The following OVOL2 variants were observed in gnomAD, a reference collection of about 807,000 sequenced individuals.
The protein encoded by OVOL2 is transcription factor Ovo-like 2.
In OVOL2, 13 loss-of-function variants were observed where a neutral mutation model predicts 18.1. The ratio of observed to expected loss-of-function variants is 0.72; its 90% confidence interval spans 0.47 to 1.14. The LOEUF is 1.14. OVOL2 is among the 50% of genes most tolerant of loss of function. OVOL2 has a pLI of 0.00. For synonymous variants in OVOL2, 166 were observed against 162.7 expected (o/e 1.02, Z -0.16); for missense variants, 335 against 383.0 (o/e 0.87, Z 1.05).
chr20:18,037,130 C>T (rs1407848934), intron 3 of OVOL2, among the ~76,000 whole-genome samples: 7 of 109,876 alleles, frequency 6.4e-5, no homozygotes, highest in African/African-American at 1.5e-4. Context: ...AGCGAGACTC[C>T]GTCTCAAAAA....
intron 2 of OVOL2, among the ~76,000 whole-genome samples, chr20:18,042,138 C>T (rs1358296892): frequency 1.3e-5 from 2 of 152,024 alleles, no homozygotes; most frequent in Non-Finnish European, 2.9e-5. Context: ...GTCTCAAACT[C>T]CTGACCTCAA....
At chr20:18,043,137 A>G (rs2036690376) in intron 2 of OVOL2, among the ~76,000 whole-genome samples, 1 of 152,188 alleles carries the variant, frequency 6.6e-6, no homozygotes, top group Admixed American at 6.5e-5. Flanking sequence ...ACCTTGGACC[A>G]TGAGGTGGGA....
intron 2 of OVOL2, among the ~76,000 whole-genome samples, chr20:18,043,293 C>T (rs1311793813): frequency 6.6e-6 from 1 of 152,340 alleles, no homozygotes; most frequent in South Asian, 2.1e-4. Context: ...ACTGTTTTCC[C>T]TCCCCTTGAA....
At chr20:18,042,095 TAG>T (rs2036676938) in intron 2 of OVOL2, among the ~76,000 whole-genome samples, 1 of 151,916 alleles carries the variant, frequency 6.6e-6, no homozygotes, top group African/African-American at 2.4e-5. Context: ...GTATTTTCAG[TAG>T]AGACAGGGTT....
chr20:18,054,599 G>A (rs561726966), intron 2 of OVOL2, among the ~76,000 whole-genome samples: 8 of 151,734 alleles, frequency 5.3e-5, no homozygotes, highest in South Asian at 2.1e-4. Flanking sequence ...AAAATTAGCC[G>A]GCGATGGTGG....
At chr20:18,058,835 GAGA>G (rs936768834), upstream of OVOL2, 2 of 152,398 alleles carry the variant, frequency 1.3e-5, no homozygotes, top group African/African-American at 4.8e-5. Context: ...GGGAGAGGGA[GAGA>G]AGGAGGGGGA....
intron 2 of OVOL2, among the ~76,000 whole-genome samples, chr20:18,043,251 C>G (rs1482570760): frequency 6.6e-6 from 1 of 152,234 alleles, no homozygotes; most frequent in East Asian, 1.9e-4. Context: ...CTCCTTGTGC[C>G]TGCATCCTGC....
intron 3 of OVOL2, among the ~76,000 whole-genome samples, chr20:18,033,982 A>G (rs775414274): frequency 2.0e-5 from 3 of 152,186 alleles, no homozygotes; most frequent in Non-Finnish European, 4.4e-5. Flanking sequence ...CTGAATACAC[A>G]TTCATTTCCT....
At chr20:18,027,196 C>T (rs891650216) in intron 3 of OVOL2, among the ~76,000 whole-genome samples, 6 of 152,134 alleles carry the variant, frequency 3.9e-5, no homozygotes, top group African/African-American at 1.2e-4. Flanking sequence ...AGGAAATTCC[C>T]GTAGGCCATA....
intron 2 of OVOL2, among the ~76,000 whole-genome samples, chr20:18,051,329 T>C (rs759718305): frequency 8.1e-4 from 123 of 152,250 alleles, no homozygotes; most frequent in African/African-American, 2.5e-3. Context: ...GAATCCAGCA[T>C]TATTCTGCCT....
chr20:18,037,717 G>A (rs970477002), intron 3 of OVOL2, among the ~76,000 whole-genome samples: 3 of 152,200 alleles, frequency 2.0e-5, no homozygotes, highest in African/African-American at 7.2e-5. Context: ...AGGGATGGGG[G>A]TTGATTGAGC....
Position 18,057,660 on chromosome 20 carries a change from GC to G in OVOL2, c.-27del. 2 of 1,546,774 alleles carry G rather than the reference GC, an allele frequency of 1.3e-6. No homozygotes were observed. Among genetic ancestry groups the G allele is most frequent in the South Asian group, 1.2e-5 (1 of 84,002 alleles). ...GGTGGGGTCCCCTCTCCCGACTGCG[GC>G]CCCCTCCTCCCGGCTGCTCCCCGCT... On this transcript the variant is annotated 5_prime_UTR_variant, in exon 1 of 4. Coordinates refer to ENST00000278780, the MANE Select transcript of OVOL2 (RefSeq NM_021220.4). This position sits in a 1 kb window ranked among gnomAD's most constrained non-coding sequence, Gnocchi z 6.3.
In OVOL2 at chr20:18,041,527, C is replaced by A. The variant is rs1571431; in HGVS notation, c.511+7G>T. 5 of 1,605,010 alleles carry A rather than the reference C, an allele frequency of 3.1e-6. No individual in the cohort carries two copies. The highest frequency in any genetic ancestry group is 1.7e-4 in the Middle Eastern group (1 of 6,046). ...AACAGAGAACAAAGCACGCACTCCC[C>A]GCTCACCTGTGTGTGTGCGGACGTG... On this transcript the variant is annotated splice_region_variant and intron_variant, in intron 3 of 3. Transcript: ENST00000278780.
rs1568642071 is a variant in OVOL2 at position 18,056,902 on chromosome 20, G to A, written c.101-25C>T. The A allele has an allele frequency of 2.0e-6, 3 of 1,474,814 alleles. No individual in the cohort carries two copies. In the South Asian group the frequency reaches 3.9e-5, roughly 19 times the overall value. The allele number at this position is 1,474,814 out of a possible 1,614,324, so 91.4% of individuals were successfully genotyped here. On this transcript the variant is annotated intron_variant, in intron 1 of 3. Coordinates refer to ENST00000278780, the MANE Select transcript of OVOL2 (RefSeq NM_021220.4). This position sits in a 1 kb window ranked among gnomAD's most constrained non-coding sequence, Gnocchi z 4.2. Reference sequence around the variant, plus strand: ...ACTGTGGAGGGAGGGGCCGCGCCCCGACACACACACTCGGCGTCAACCCGC... The same window carrying A: ...ACTGTGGAGGGAGGGGCCGCGCCCCAACACACACACTCGGCGTCAACCCGC...
intron 3 of OVOL2, among the ~76,000 whole-genome samples, chr20:18,040,374 A>T (rs1254007056): frequency 6.6e-6 from 1 of 151,962 alleles, no homozygotes. Context: ...ATGTGATGGG[A>T]TAGGACGTGA....
chr20:18,046,838 G>C (rs1429410478), intron 2 of OVOL2, among the ~76,000 whole-genome samples: 1 of 151,720 alleles, frequency 6.6e-6, no homozygotes, highest in Non-Finnish European at 1.5e-5. Context: ...AGAGTTAATC[G>C]ATCTTACCTT....
At chr20:18,049,998 T>C (rs2036758438) in intron 2 of OVOL2, among the ~76,000 whole-genome samples, 1 of 152,184 alleles carries the variant, frequency 6.6e-6, no homozygotes, top group South Asian at 2.1e-4. Flanking sequence ...GGGTTGAGTT[T>C]TGCCACTAAC....
intron 3 of OVOL2, among the ~76,000 whole-genome samples, chr20:18,025,298 T>C (rs2036502589): frequency 1.3e-5 from 2 of 152,360 alleles, no homozygotes; most frequent in Non-Finnish European, 2.9e-5. Context: ...CCAGGTGCAG[T>C]GGCTCACGCC....
rs1165642473 is a variant in OVOL2, at chr20:18,037,821, C to G, written c.511+3713G>C. ...TGATAACCCACTCATTATTATTGAG[C>G]TTTTATTGGCTGTCTTCCCTCCTGA... On this transcript the variant is annotated intron_variant, in intron 3 of 3. Transcript: ENST00000278780. Among the ~76,000 whole-genome samples, 3 of 152,270 alleles carry G rather than the reference C, an allele frequency of 2.0e-5. No individual in the cohort carries two copies. The East Asian group carries it at 5.8e-4, about 29-fold the overall frequency.
Sources: gnomAD v4.1 joint callset for allele counts (sites outside exome capture counted in the v4.1 genomes callset) on GRCh38, gnomAD v4.1.1 for gene constraint, Gnocchi (gnomAD v3.1) non-coding constraint, MANE v1.5 for transcripts, NCBI Gene and HGNC (gene_info 2026-07-23, HGNC 2026-07-21) for gene names.